The following TRDN variants were observed in gnomAD, a reference collection of about 807,000 sequenced individuals.
TRDN encodes the protein triadin in skeletal muscle.
In TRDN, 161 loss-of-function variants were observed where a neutral mutation model predicts 149.7. The observed-to-expected ratio is 1.08, with a 90% CI of 0.95 to 1.23. TRDN has a LOEUF of 1.23. TRDN is among the 50% of genes most tolerant of loss of function. The pLI is 0.00. For synonymous variants in TRDN, 294 were observed against 250.5 expected (o/e 1.17, Z -1.64); for missense variants, 896 against 823.5 (o/e 1.09, Z -1.08).
intron 27 of TRDN, among the ~76,000 whole-genome samples, chr6:123,273,566 A>T (rs1345112520): frequency 6.6e-6 from 1 of 152,140 alleles, no homozygotes; most frequent in East Asian, 1.9e-4. Context: ...GCAGATAAAT[A>T]TAATCAGGAA....
intron 9 of TRDN, among the ~76,000 whole-genome samples, chr6:123,476,634 G>A (rs1777490452): frequency 1.4e-5 from 2 of 148,118 alleles, no homozygotes; most frequent in Admixed American, 1.3e-4. Flanking sequence ...AAAGCTGGAG[G>A]CATCACACTA....
intron 20 of TRDN, among the ~76,000 whole-genome samples, chr6:123,358,418 G>A (rs988966609): frequency 3.3e-5 from 5 of 150,408 alleles, no homozygotes; most frequent in Non-Finnish European, 4.4e-5. Flanking sequence ...TTTTTTCTCC[G>A]TATCACCCAT....
At chr6:123,424,663 C>A (rs1316153927) in intron 12 of TRDN, among the ~76,000 whole-genome samples, 1 of 152,084 alleles carries the variant, frequency 6.6e-6, no homozygotes, top group African/African-American at 2.4e-5. Context: ...CGTCAAATAA[C>A]AAATGATTAC....
chr6:123,523,533 G>A lies in TRDN; in HGVS notation c.484+6973C>T, dbSNP rs551899601. On this transcript the variant is annotated intron_variant, in intron 5 of 40. Coordinates refer to ENST00000334268, the MANE Select transcript of TRDN (RefSeq NM_006073.4). ...GGCACCAACAAATGGATTTAAGCCC[G>A]TAAGTGACTGGATTAGCATGGACCT... Among the ~76,000 whole-genome samples, 7 of 152,226 alleles carry A rather than the reference G, an allele frequency of 4.6e-5. No homozygotes were observed. In the East Asian group the frequency reaches 9.7e-4, roughly 21 times the overall value.
chr6:123,418,775 G>T (rs961482177), intron 12 of TRDN, among the ~76,000 whole-genome samples: 1 of 152,058 alleles, frequency 6.6e-6, no homozygotes, highest in Non-Finnish European at 1.5e-5. Flanking sequence ...GCATCCAGTG[G>T]CAGGGTTAGA....
intron 21 of TRDN, chr6:123,350,172 C>T (rs1780405674): frequency 2.1e-6 from 2 of 969,964 alleles, no homozygotes; most frequent in African/African-American, 1.8e-5. Flanking sequence ...ATTTAATTAC[C>T]TAAAAATATT....
At chr6:123,371,479 C>A in intron 19 of TRDN, among the ~76,000 whole-genome samples, 1 of 152,128 alleles carries the variant, frequency 6.6e-6, no homozygotes, top group East Asian at 1.9e-4. Context: ...ATTACTAACA[C>A]TTAGGACACA....
chr6:123,323,155 G>A (rs960331935), intron 23 of TRDN, among the ~76,000 whole-genome samples: 1 of 152,110 alleles, frequency 6.6e-6, no homozygotes, highest in Admixed American at 6.6e-5. Context: ...ATATGAAGCA[G>A]AATCCCTGTC....
chr6:123,542,803 GCTCT>G lies in TRDN; in HGVS notation c.424+4533_424+4536del, dbSNP rs1332763284. Among the ~76,000 whole-genome samples the G allele has an allele frequency of 5.3e-5, 8 of 150,768 alleles. No individual in the cohort carries two copies. In the East Asian group the frequency reaches 1.2e-3, roughly 22 times the overall value. ...TTTGCTTTAAGACTTTTGGGTTTTC[GCTCT>G]CTCTCTTTCTCTCCCTCCCTTTTTC... On this transcript the variant is annotated intron_variant, in intron 4 of 40. Transcript: ENST00000334268.
chr6:123,406,748 A>G (rs1773207917), intron 12 of TRDN, among the ~76,000 whole-genome samples: 2 of 152,156 alleles, frequency 1.3e-5, no homozygotes, highest in Non-Finnish European at 2.9e-5. Context: ...TATACAGCAA[A>G]TTTATAGAAA....
chr6:123,487,291 C>T (rs1778016034), intron 9 of TRDN, among the ~76,000 whole-genome samples: 1 of 152,052 alleles, frequency 6.6e-6, no homozygotes, highest in South Asian at 2.1e-4. Flanking sequence ...TGTTGGTCCT[C>T]CTTTAAGTCT....
intron 32 of TRDN, among the ~76,000 whole-genome samples, chr6:123,266,185 AT>A (rs1776952958): frequency 1.1e-5 from 1 of 93,740 alleles, no homozygotes; most frequent in Non-Finnish European, 1.9e-5. Context: ...TATTATATAT[AT>A]TATAATATGT....
At chr6:123,267,162 A>G (rs1777040849) in intron 32 of TRDN, among the ~76,000 whole-genome samples, 1 of 151,064 alleles carries the variant, frequency 6.6e-6, no homozygotes, top group African/African-American at 2.4e-5. Flanking sequence ...TTTTGAAATG[A>G]GAACTGGTAG....
At chr6:123,357,960 G>A (rs748060238) in intron 20 of TRDN, among the ~76,000 whole-genome samples, 2 of 152,130 alleles carry the variant, frequency 1.3e-5, no homozygotes, top group Non-Finnish European at 2.9e-5. Flanking sequence ...CACATAAAAT[G>A]TTGATCCTTT....
At chr6:123,621,049 A>G (rs1190507699) in intron 1 of TRDN, among the ~76,000 whole-genome samples, 2 of 152,098 alleles carry the variant, frequency 1.3e-5, no homozygotes, top group Admixed American at 6.6e-5. Flanking sequence ...GTCCACTGCT[A>G]TTGGTCCAGC....
intron 8 of TRDN, among the ~76,000 whole-genome samples, 164 bp from the exon 9 acceptor site, chr6:123,497,416 G>A (rs1359485517): frequency 6.6e-6 from 1 of 151,902 alleles, no homozygotes; most frequent in Non-Finnish European, 1.5e-5. Flanking sequence ...AAATACAGAA[G>A]GAAAGAAAGA....
At chr6:123,632,115 C>T (rs1430064193) in intron 1 of TRDN, among the ~76,000 whole-genome samples, 1 of 151,980 alleles carries the variant, frequency 6.6e-6, no homozygotes, top group East Asian at 1.9e-4. Flanking sequence ...TAACTTTTTA[C>T]ATTTCTTTTC....
chr6:123,400,144 T>G (rs916205317), intron 12 of TRDN, among the ~76,000 whole-genome samples: 2 of 139,448 alleles, frequency 1.4e-5, no homozygotes, highest in Non-Finnish European at 3.0e-5. Context: ...AGCCATTTTA[T>G]TTGACATAAA....
chr6:123,303,503 C>T (rs1562253091), intron 24 of TRDN, among the ~76,000 whole-genome samples: 1 of 151,994 alleles, frequency 6.6e-6, no homozygotes. Flanking sequence ...GCAAACAGAC[C>T]AAGGATAAAG....
Sources: allele counts gnomAD v4.1 joint callset (sites outside exome capture counted in the v4.1 genomes callset), GRCh38; gene constraint gnomAD v4.1.1; transcripts MANE v1.5; gene names NCBI Gene and HGNC (gene_info 2026-07-23, HGNC 2026-07-21).